WDR49: variants seen among roughly 807,000 people sequenced by gnomAD.
WDR49 encodes WD repeat domain 49.
WDR49 carries 107 observed loss-of-function variants against 119.5 expected under a neutral mutation model. That is an observed-to-expected ratio of 0.90 (90% CI 0.77 to 1.05). The LOEUF is 1.05. Among genes scored for constraint, WDR49 ranks in the 50% least tolerant of loss-of-function variants. The pLI is 0.00. For synonymous variants in WDR49, 425 were observed against 418.8 expected, an observed-to-expected ratio of 1.01 and a Z score of -0.18; for missense variants, 1,240 against 1,220.5, an observed-to-expected ratio of 1.02 and a Z score of -0.24.
At chr3:167,635,423 A>T (rs16851302) in intron 2 of WDR49, among the ~76,000 whole-genome samples, 53,951 of 151,504 alleles carry the variant, frequency 0.36, 11,360 homozygotes, top group African/African-American at 0.6. Flanking sequence ...ACATACTTTC[A>T]GGAGGAAAAA....
chr3:167,594,972 T>C (rs1157301938), intron 7 of WDR49, among the ~76,000 whole-genome samples: 1 of 150,340 alleles, frequency 6.7e-6, no homozygotes, highest in African/African-American at 2.5e-5. Context: ...GAAAACCCCA[T>C]TGTCTCAGCC....
At chr3:167,490,049 G>T (rs12493588) in intron 18 of WDR49, among the ~76,000 whole-genome samples, 22,057 of 152,034 alleles carry the variant, frequency 0.15, 2,014 homozygotes, top group African/African-American at 0.26. Context: ...CACATCTTGA[G>T]GTCAAGCTTC....
chr3:167,568,355 A>G (rs1713730842), intron 8 of WDR49, among the ~76,000 whole-genome samples: 1 of 152,156 alleles, frequency 6.6e-6, no homozygotes, highest in Admixed American at 6.5e-5. Flanking sequence ...GCTTTAAATT[A>G]TTGTATAATA....
At position 167,495,771 on chromosome 3, in the gene WDR49, G is replaced by C. The variant is rs1751329034; in HGVS notation, c.3031+4382C>G. Among the ~76,000 whole-genome samples the C allele has an allele frequency of 2.7e-5, 4 of 149,186 alleles. No homozygotes were observed. In the Admixed American group the frequency reaches 2.7e-4, roughly 10 times the overall value. On this transcript the variant is annotated intron_variant, in intron 18 of 18. Transcript: ENST00000682715. ...CACAGTAAAACATCTGAAAACCAAG[G>C]CTAAAGAGAAGTATTTTAAAAGCAG...
intron 2 of WDR49, among the ~76,000 whole-genome samples, chr3:167,645,943 C>T (rs562405874): frequency 2.6e-4 from 39 of 152,230 alleles, no homozygotes; most frequent in East Asian, 7.7e-4. Flanking sequence ...GCGCTAATCC[C>T]GCCTGCATGG....
At chr3:167,612,408 G>A (rs961426324) in intron 5 of WDR49, among the ~76,000 whole-genome samples, 1 of 151,078 alleles carries the variant, frequency 6.6e-6, no homozygotes, top group East Asian at 1.9e-4. Context: ...ATCCAATGGT[G>A]CATCTTAAAG....
chr3:167,621,051 G>A (rs914328834), intron 4 of WDR49, among the ~76,000 whole-genome samples: 4 of 151,928 alleles, frequency 2.6e-5, no homozygotes, highest in South Asian at 2.1e-4. Context: ...ATGAGCACTC[G>A]GTAGGAAATT....
At chr3:167,485,833 G>T (rs1044062375) in intron 18 of WDR49, among the ~76,000 whole-genome samples, 5 of 152,046 alleles carry the variant, frequency 3.3e-5, no homozygotes, top group African/African-American at 9.7e-5. Flanking sequence ...TATATTTGAG[G>T]ATATAGTCCA....
intron 5 of WDR49, among the ~76,000 whole-genome samples, chr3:167,606,823 A>T (rs1162584376): frequency 6.6e-6 from 1 of 152,208 alleles, no homozygotes; most frequent in Non-Finnish European, 1.5e-5. Context: ...TATAAGGGTC[A>T]TGGCCAATAC....
At chr3:167,506,513 T>C (rs1751774479) in intron 16 of WDR49, among the ~76,000 whole-genome samples, 2 of 152,242 alleles carry the variant, frequency 1.3e-5, no homozygotes, top group South Asian at 4.1e-4. Context: ...TATCAAATGC[T>C]ATTTGCATGG....
intron 10 of WDR49, among the ~76,000 whole-genome samples, chr3:167,548,220 T>G (rs1231772096): frequency 6.6e-6 from 1 of 151,988 alleles, no homozygotes; most frequent in Non-Finnish European, 1.5e-5. Flanking sequence ...ATTAAAGAAT[T>G]ATACAGGATG....
At chr3:167,537,100 G>A in intron 10 of WDR49, 100 bp from the exon 11 acceptor site, 1 of 1,229,260 alleles carries the variant, frequency 8.1e-7, no homozygotes, top group Non-Finnish European at 1.0e-6. Flanking sequence ...ACTTTTAAAA[G>A]ACTATGCTGC....
chr3:167,613,530 C>T (rs971681799), intron 5 of WDR49, among the ~76,000 whole-genome samples: 18 of 152,260 alleles, frequency 1.2e-4, no homozygotes, highest in African/African-American at 3.9e-4. Flanking sequence ...GCAGGGAAGT[C>T]GAGCCACACA....
chr3:167,547,286 A>T (rs1399271919), intron 10 of WDR49, among the ~76,000 whole-genome samples: 1 of 151,884 alleles, frequency 6.6e-6, no homozygotes, highest in Non-Finnish European at 1.5e-5. Context: ...TTCAAAAATC[A>T]AATTATATCA....
intron 10 of WDR49, among the ~76,000 whole-genome samples, chr3:167,550,552 A>G (rs1712493957): frequency 6.6e-6 from 1 of 152,070 alleles, no homozygotes; most frequent in African/African-American, 2.4e-5. Flanking sequence ...AATTTCTCAC[A>G]AAAGAAAGCA....
chr3:167,487,109 C>T (rs79190374), intron 18 of WDR49, among the ~76,000 whole-genome samples: 3 of 152,044 alleles, frequency 2.0e-5, no homozygotes, highest in Admixed American at 6.6e-5. Context: ...AGAGGCATCA[C>T]ATTACCTGAC....
At chr3:167,625,811 A>T (rs918425629) in intron 3 of WDR49, among the ~76,000 whole-genome samples, 1 of 152,042 alleles carries the variant, frequency 6.6e-6, no homozygotes, top group Non-Finnish European at 1.5e-5. Context: ...ATGGCTGGAC[A>T]TATTAAACAA....
At chr3:167,553,300 C>A (rs1712684538) in intron 10 of WDR49, among the ~76,000 whole-genome samples, 1 of 151,926 alleles carries the variant, frequency 6.6e-6, no homozygotes, top group Non-Finnish European at 1.5e-5. Flanking sequence ...ATAATTTTTC[C>A]TACTCTCATA....
chr3:167,578,878 T>C (rs1038109040), intron 7 of WDR49, among the ~76,000 whole-genome samples: 10 of 152,208 alleles, frequency 6.6e-5, no homozygotes, highest in Non-Finnish European at 1.5e-4. Context: ...AGATGTCTAC[T>C]ATCCTGTTTC....
Sources: gnomAD v4.1 joint callset for allele counts (sites outside exome capture counted in the v4.1 genomes callset) on GRCh38, gnomAD v4.1.1 for gene constraint, MANE v1.5 for transcripts, NCBI Gene and HGNC (gene_info 2026-07-23, HGNC 2026-07-21) for gene names.